Variants in MTO1 observed in about 807,000 individuals in gnomAD.
MTO1 encodes 5-taurinomethyluridine-[tRNA] synthase subunit MTO1, mitochondrial.
MTO1 carries 46 observed loss-of-function variants against 71.6 expected under a neutral mutation model. That is an observed-to-expected ratio of 0.64 (90% CI 0.51 to 0.82). MTO1 has a LOEUF of 0.82. MTO1 is among the 40% of genes least tolerant of loss of function. The pLI is 0.00. For synonymous variants in MTO1, 297 were observed against 312.1 expected, an observed-to-expected ratio of 0.95 and a Z score of 0.51; for missense variants, 773 against 867.5, an observed-to-expected ratio of 0.89 and a Z score of 1.37.
chr6:73,478,074 C>A (rs1184500079), intron 4 of MTO1, among the ~76,000 whole-genome samples: 2 of 150,614 alleles, frequency 1.3e-5, no homozygotes, highest in African/African-American at 4.9e-5. Flanking sequence ...CATGGTGAAA[C>A]CCCGTCTCTA....
intron 3 of MTO1, among the ~76,000 whole-genome samples, chr6:73,467,644 T>TAAATAA (rs1373451890): frequency 6.6e-3 from 344 of 52,246 alleles, no homozygotes; most frequent in African/African-American, 0.019. Context: ...TAAATAAATA[T>TAAATAA]AAAAGAAATT....
Position 73,502,202 on chromosome 6 carries a change from G to C in MTO1, c.*1467G>C, listed in dbSNP as rs180740803. On this transcript the variant is annotated 3_prime_UTR_variant, in exon 12 of 12. Transcript: ENST00000498286. ...CTCACGCCTGTAATCCCAGCACTTTGGGAGGCTGAGGCGGGTGGATAACCT... is the reference window on the plus strand; with the variant it reads ...CTCACGCCTGTAATCCCAGCACTTTCGGAGGCTGAGGCGGGTGGATAACCT... 2.6e-5 allele frequency: 4 copies of C among 152,364 alleles called. No homozygotes were observed. The highest frequency in any genetic ancestry group is 4.4e-5 in the Non-Finnish European group (3 of 68,062). 9.4% of individuals were successfully genotyped at this position (152,364 alleles called of 1,614,324 possible).
At chr6:73,493,741 AC>A (rs1771901487) in intron 10 of MTO1, among the ~76,000 whole-genome samples, 1 of 150,776 alleles carries the variant, frequency 6.6e-6, no homozygotes, top group South Asian at 2.1e-4. Flanking sequence ...TTCTTTTTAT[AC>A]TCTCCCCACC....
At position 73,503,813 on chromosome 6, in the gene MTO1, T is replaced by G. The variant is rs1772221432; in HGVS notation, c.*3078T>G. On this transcript the variant is annotated 3_prime_UTR_variant, in exon 12 of 12. Transcript: ENST00000498286. ...ACGAACCTATGCTAAATTAAACGAT[T>G]ATGGCCTTGAAAATGAAGTTCCTTT... 6.6e-6 allele frequency: 1 copy of G among 152,254 alleles called. No individual in the cohort carries two copies. The highest frequency in any genetic ancestry group is 1.5e-5 in the Non-Finnish European group (1 of 68,042). The allele number at this position is 152,254 out of a possible 1,614,324, so 9.4% of individuals were successfully genotyped here. A position where few individuals can be genotyped will look rare whatever the true frequency, so the allele number is the denominator to read the frequency against.
In MTO1 at chr6:73,504,286, C is replaced by G; in HGVS notation, c.*3551C>G. ...AGCTGGGACTACAGGTGTGCACCAC[C>G]ATGCACGGCTAATTTTTAAGTTTTT... On this transcript the variant is annotated 3_prime_UTR_variant, in exon 12 of 12. Transcript: ENST00000498286. 6.6e-6 allele frequency: 1 copy of G among 152,160 alleles called. No individual in the cohort carries two copies. Among genetic ancestry groups the G allele is most frequent in the Non-Finnish European group, 1.5e-5 (1 of 68,066 alleles). The allele number at this position is 152,160 out of a possible 1,614,324, so 9.4% of individuals were successfully genotyped here.
chr6:73,493,356 G>A (rs939284162), intron 10 of MTO1, among the ~76,000 whole-genome samples: 1 of 103,078 alleles, frequency 9.7e-6, no homozygotes, highest in Non-Finnish European at 1.8e-5. Flanking sequence ...GTGCATGTAT[G>A]TGTGTGTGTG....
chr6:73,485,378 G>A (rs1484845096), intron 9 of MTO1, among the ~76,000 whole-genome samples: 1 of 151,964 alleles, frequency 6.6e-6, no homozygotes, highest in Non-Finnish European at 1.5e-5. Context: ...CCCTTCAGGA[G>A]GAATCAGTCT....
intron 7 of MTO1, 184 bp downstream of exon 7, chr6:73,480,989 T>C (rs1457668785): frequency 3.6e-6 from 2 of 559,592 alleles, no homozygotes; most frequent in Non-Finnish European, 5.8e-6. Flanking sequence ...TTTTTTTTTT[T>C]TTTTGAGACA....
chr6:73,479,703 C>A, intron 4 of MTO1, 29 bp from the exon 5 acceptor site: 2 of 1,530,954 alleles, frequency 1.3e-6, no homozygotes, highest in South Asian at 1.1e-5. Flanking sequence ...ATAAGCAAAT[C>A]AGTATTGCAT....
Position 73,483,398 on chromosome 6 carries a change from C to T in MTO1, c.1637+778C>T, listed in dbSNP as rs552965141. On this transcript the variant is annotated intron_variant, in intron 9 of 11. Transcript: ENST00000498286. ...CACTCCAGCCTGGGTGAGAGTGAGA[C>T]CCTGTCTCAAAGAAAAGAAAAAATC... Among the ~76,000 whole-genome samples, 3 of 151,800 alleles carry T rather than the reference C, an allele frequency of 2.0e-5. No individual in the cohort carries two copies. In the East Asian group the frequency reaches 5.9e-4, roughly 30 times the overall value.
Position 73,500,864 on chromosome 6 carries a change from C to G in MTO1, c.*129C>G, listed in dbSNP as rs554760195. The G allele has an allele frequency of 2.3e-5, 17 of 737,070 alleles. No individual in the cohort carries two copies. The East Asian group carries it at 5.0e-4, about 22-fold the overall frequency. 45.7% of individuals were successfully genotyped at this position (737,070 alleles called of 1,614,324 possible). ...GTTACTATGGGTTTGCCATTAATTT[C>G]TGAGTGGGACAGAAATTATAATTGT... On this transcript the variant is annotated 3_prime_UTR_variant, in exon 12 of 12. Coordinates refer to ENST00000498286, the MANE Select transcript of MTO1 (RefSeq NM_012123.4).
chr6:73,495,305 A>C (rs1771952621), intron 10 of MTO1, among the ~76,000 whole-genome samples: 1 of 152,146 alleles, frequency 6.6e-6, no homozygotes, highest in African/African-American at 2.4e-5. Context: ...TTACCATCAC[A>C]ATTTCTCTAT....
intron 3 of MTO1, among the ~76,000 whole-genome samples, chr6:73,468,117 C>T (rs1435715149): frequency 6.6e-6 from 1 of 151,828 alleles, no homozygotes; most frequent in Non-Finnish European, 1.5e-5. Context: ...CCGCACCCAG[C>T]CATCTATTAA....
intron 9 of MTO1, among the ~76,000 whole-genome samples, chr6:73,483,180 A>T (rs1771561159): frequency 6.6e-6 from 1 of 152,048 alleles, no homozygotes; most frequent in African/African-American, 2.4e-5. Context: ...AGGCCAAGGC[A>T]GTCGGATCAC....
chr6:73,484,906 G>T (rs993286681), intron 9 of MTO1, among the ~76,000 whole-genome samples: 4 of 151,968 alleles, frequency 2.6e-5, no homozygotes, highest in African/African-American at 4.8e-5. Flanking sequence ...AATTAGCCAG[G>T]CATGGTGGAG....
chr6:73,492,996 T>TGTGTGTG (rs1256517671), intron 10 of MTO1, among the ~76,000 whole-genome samples: 1 of 5,852 alleles, frequency 1.7e-4, no homozygotes, highest in African/African-American at 5.1e-4. Context: ...GTGTGTGTAT[T>TGTGTGTG]TTTTTTTTTT....
intron 1 of MTO1, among the ~76,000 whole-genome samples, chr6:73,465,276 G>A (rs546535632): frequency 2.6e-5 from 4 of 151,354 alleles, no homozygotes; most frequent in African/African-American, 7.3e-5. Flanking sequence ...CGATTCTTTT[G>A]CCTCAGCCTC....
At chr6:73,498,543 C>T (rs1772064107) in intron 11 of MTO1, among the ~76,000 whole-genome samples, 1 of 151,484 alleles carries the variant, frequency 6.6e-6, no homozygotes. Context: ...CAAAAAATGC[C>T]CCCACCACGT....
At chr6:73,476,445 AAAAC>A (rs1410744159) in intron 4 of MTO1, among the ~76,000 whole-genome samples, 1 of 143,540 alleles carries the variant, frequency 7.0e-6, no homozygotes, top group Non-Finnish European at 1.5e-5. Flanking sequence ...AAGACGGAGA[AAAAC>A]AAAAAAAAGT....
Sources: allele counts gnomAD v4.1 joint callset (sites outside exome capture counted in the v4.1 genomes callset), GRCh38; gene constraint gnomAD v4.1.1; transcripts MANE v1.5; gene names NCBI Gene and HGNC (gene_info 2026-07-23, HGNC 2026-07-21).